Variants in CLMN observed in about 807,000 individuals in gnomAD.
CLMN encodes the protein calmin (calponin-like, transmembrane).
CLMN carries 57 observed loss-of-function variants against 92.7 expected under a neutral mutation model. The ratio of observed to expected loss-of-function variants is 0.61; its 90% confidence interval spans 0.50 to 0.77. The LOEUF is 0.77. Ranked by LOEUF, CLMN falls within the 30% of genes least tolerant of loss-of-function variation. CLMN has a pLI of 0.00. For missense variants in CLMN, 1,158 were observed against 1,237.5 expected (o/e 0.94, Z 0.96); for synonymous variants, 466 against 470.6 (o/e 0.99, Z 0.13).
rs34939570 is a variant in CLMN at position 95,311,709 on chromosome 14, G to A, written c.82+8002C>T. ...ATGCCCCGACCCAACCCTGGCTTCC[G>A]TCCTGCTGAGGAGCTTGCTGGGGCT... On this transcript the variant is annotated intron_variant, in intron 1 of 12. Coordinates refer to ENST00000298912, the MANE Select transcript of CLMN (RefSeq NM_024734.4). 8.7e-3 allele frequency among the ~76,000 whole-genome samples: 1,327 copies of A among 152,182 alleles called. 8 individuals carry two copies. The highest frequency in any genetic ancestry group is 0.014 in the Non-Finnish European group (959 of 67,982).
chr14:95,216,089 G>T (rs957869267), intron 4 of CLMN, among the ~76,000 whole-genome samples: 11 of 152,126 alleles, frequency 7.2e-5, no homozygotes, highest in Non-Finnish European at 1.0e-4. Flanking sequence ...TTTATAAAAG[G>T]AAAGGGGATT....
rs577090930 is a variant in CLMN at position 95,214,542 on chromosome 14, G to T, written c.417+1099C>A. 2.5e-4 allele frequency among the ~76,000 whole-genome samples: 38 copies of T among 151,854 alleles called. 1 individual carries two copies. In the South Asian group the frequency reaches 7.7e-3, roughly 31 times the overall value. On this transcript the variant is annotated intron_variant, in intron 5 of 12. Transcript: ENST00000298912. The stretch of plus-strand genomic sequence containing the variant: ...TTTTGTTTGTTTTTTGTAGAGATGG[G>T]GTCTTGCTCTGTTTCCAGGGCTGAT...
chr14:95,287,292 T>C (rs1025561910), intron 1 of CLMN, among the ~76,000 whole-genome samples: 1 of 152,230 alleles, frequency 6.6e-6, no homozygotes, highest in East Asian at 1.9e-4. Context: ...TCCCCGTCAC[T>C]TTCTAGCCCA....
chr14:95,210,879 C>A lies in CLMN; in HGVS notation c.609G>T (p.Lys203Asn), dbSNP rs572738339. Residue 203 changes from lysine to asparagine, a missense_variant and splice_region_variant, in exon 7 of 13, where the codon AAG becomes AAT. Lys to Asn is a moderately conservative substitution (Grantham distance 94). Transcript: ENST00000298912. ...LLAWVQRKTRKYGVAVQDFAG... is the reference protein window; with the variant it reads ...LLAWVQRKTRNYGVAVQDFAG... The stretch of plus-strand genomic sequence containing the variant: ...CAAAGTCCTGCACCGCCACGCCATA[C>A]CTGAAGGAAAAACAGCAGCGGCGGC... 7.3e-6 allele frequency: 11 copies of A among 1,499,752 alleles called. No individual in the cohort carries two copies. The highest frequency in any genetic ancestry group is 1.8e-4 in the Middle Eastern group (1 of 5,552). The allele number at this position is 1,499,752 out of a possible 1,614,324, so 92.9% of individuals were successfully genotyped here.
intron 4 of CLMN, among the ~76,000 whole-genome samples, chr14:95,217,105 T>C (rs1003186640): frequency 2.6e-5 from 4 of 152,188 alleles, no homozygotes; most frequent in African/African-American, 9.7e-5. Context: ...GCCACACATT[T>C]TTCTTCTTTC....
At chr14:95,308,184 C>T (rs1901367665) in intron 1 of CLMN, among the ~76,000 whole-genome samples, 1 of 152,208 alleles carries the variant, frequency 6.6e-6, no homozygotes, top group Admixed American at 6.5e-5. Flanking sequence ...AATCTTCAGT[C>T]AAGAAGTCAG....
At chr14:95,280,507 C>CT (rs1433744629) in intron 1 of CLMN, among the ~76,000 whole-genome samples, 1 of 152,132 alleles carries the variant, frequency 6.6e-6, no homozygotes, top group Non-Finnish European at 1.5e-5. Context: ...TGTTTAAAAT[C>CT]TTTGAGTTAT....
rs778063438 is a variant in CLMN, at chr14:95,210,773, G to A, written c.715C>T (p.Leu239=). 3 of 1,605,822 alleles carry A rather than the reference G, an allele frequency of 1.9e-6. No homozygotes were observed. In the Admixed American group the frequency reaches 5.1e-5, roughly 27 times the overall value. ...DPSLVDMKQA[L]ENSTRENLEK... ...AGATTTTCTCGTGTGGAATTTTCCA[G>A]GGCCTGTTTCATGTCCACCAGGCTG... Residue 239 remains leucine (L), a synonymous_variant, in exon 7 of 13, where the codon CTG becomes TTG. Coordinates refer to ENST00000298912, the MANE Select transcript of CLMN (RefSeq NM_024734.4).
At chr14:95,231,684 T>TG (rs1393767212) in intron 1 of CLMN, among the ~76,000 whole-genome samples, 3 of 152,184 alleles carry the variant, frequency 2.0e-5, no homozygotes, top group Non-Finnish European at 4.4e-5. Flanking sequence ...TCCAGTGACT[T>TG]GCTCAGCTGA....
intron 1 of CLMN, among the ~76,000 whole-genome samples, chr14:95,252,339 G>T (rs1898823141): frequency 6.6e-6 from 1 of 152,180 alleles, no homozygotes; most frequent in Non-Finnish European, 1.5e-5. Context: ...CCACAGCATT[G>T]CAGGGTTGCC....
chr14:95,311,784 C>G (rs1901553463), intron 1 of CLMN, among the ~76,000 whole-genome samples: 2 of 152,128 alleles, frequency 1.3e-5, no homozygotes, highest in Admixed American at 6.5e-5. Flanking sequence ...CCTGTGGGTT[C>G]ATGGGACAGA....
intron 1 of CLMN, among the ~76,000 whole-genome samples, chr14:95,316,496 C>A (rs1193399614): frequency 1.3e-5 from 2 of 152,242 alleles, no homozygotes; most frequent in Non-Finnish European, 2.9e-5. Context: ...GAGGGGCCAT[C>A]ACTCTGCCCA....
intron 1 of CLMN, among the ~76,000 whole-genome samples, chr14:95,292,425 G>A (rs1420996174): frequency 2.8e-4 from 14 of 49,648 alleles, no homozygotes; most frequent in South Asian, 1.1e-3. Context: ...TGCCCCCCAA[G>A]GGTCCCCCAC....
chr14:95,208,219 G>A lies in CLMN; in HGVS notation c.885+1176C>T, dbSNP rs183650086. On this transcript the variant is annotated intron_variant, in intron 8 of 12. Transcript: ENST00000298912. ...TAACTGTTTCCGTTACTAGAACAAC[G>A]CTCCACAAGGCCAGGGACCTCAGCC... 2.7e-3 allele frequency among the ~76,000 whole-genome samples: 404 copies of A among 152,180 alleles called. 3 individuals are homozygous for A. The highest frequency in any genetic ancestry group is 9.1e-3 in the African/African-American group (379 of 41,516).
rs915046714 is a variant in CLMN, at chr14:95,222,266, G to A, written c.241-492C>T. On this transcript the variant is annotated intron_variant, in intron 3 of 12. Coordinates refer to ENST00000298912, the MANE Select transcript of CLMN (RefSeq NM_024734.4). ...TGGCGGCAGATGTTTCTGTTTTCTAGCCAAGAGTTTTGTGGACAGTTATCC... is the reference window on the plus strand; with the variant it reads ...TGGCGGCAGATGTTTCTGTTTTCTAACCAAGAGTTTTGTGGACAGTTATCC... The A allele has an allele frequency of 2.2e-5, 5 of 225,954 alleles. No homozygotes were observed. In the East Asian group the frequency reaches 6.4e-4, roughly 29 times the overall value. 14.0% of individuals were successfully genotyped at this position (225,954 alleles called of 1,614,324 possible).
In CLMN at chr14:95,256,944, G is replaced by A. The variant is rs1278917890; in HGVS notation, c.83-26811C>T. On this transcript the variant is annotated intron_variant, in intron 1 of 12. Transcript: ENST00000298912. This position sits in a 1 kb window ranked among gnomAD's most constrained non-coding sequence, Gnocchi z 4.9. The stretch of plus-strand genomic sequence containing the variant: ...CATGTTGGGAACAGCAAGGGCAAAG[G>A]CTGGGTGGCATCTAATGATGAATGA... 6.6e-6 allele frequency among the ~76,000 whole-genome samples: 1 copy of A among 152,208 alleles called. No homozygotes were observed. The highest frequency in any genetic ancestry group is 1.5e-5 in the Non-Finnish European group (1 of 68,034).
At chr14:95,276,175 A>G (rs189323490) in intron 1 of CLMN, among the ~76,000 whole-genome samples, 1 of 152,276 alleles carries the variant, frequency 6.6e-6, no homozygotes, top group Non-Finnish European at 1.5e-5. Context: ...AACTTTGGGT[A>G]AGTGTTTGGG....
chr14:95,209,461 T>C lies in CLMN; in HGVS notation c.819A>G (p.Thr273=). 1 of 1,614,140 alleles carries C rather than the reference T, an allele frequency of 6.2e-7. No individual in the cohort carries two copies. Among genetic ancestry groups the C allele is most frequent in the Non-Finnish European group, 8.5e-7 (1 of 1,179,984 alleles). The change falls in exon 8 of 13, where the codon ACA becomes ACG. Residue 273 remains threonine, a synonymous_variant. Transcript: ENST00000298912. ...LLEPEDIMVD[T]PDEQSIMTYV... is the part of the protein sequence containing the mutation. ...AAGTCATGATAGACTGCTCGTCTGGTGTGTCAACCATGATGTCTGTCGAGA... is the reference window on the plus strand; with the variant it reads ...AAGTCATGATAGACTGCTCGTCTGGCGTGTCAACCATGATGTCTGTCGAGA...
chr14:95,279,443 T>C lies in CLMN; in HGVS notation c.82+40268A>G, dbSNP rs140274306. ...CTATGCTGGAAAGAGTTAAACCTTA[T>C]CTGCACTTCTGTCTGGTGTCCTAGG... On this transcript the variant is annotated intron_variant, in intron 1 of 12. Transcript: ENST00000298912. Among the ~76,000 whole-genome samples, 6 of 152,326 alleles carry C rather than the reference T, an allele frequency of 3.9e-5. No homozygotes were observed. The East Asian group carries it at 1.2e-3, about 29-fold the overall frequency.
Sources: gnomAD v4.1 joint callset for allele counts (sites outside exome capture counted in the v4.1 genomes callset) on GRCh38, gnomAD v4.1.1 for gene constraint, Gnocchi (gnomAD v3.1) non-coding constraint, MANE v1.5 for transcripts, NCBI Gene and HGNC (gene_info 2026-07-23, HGNC 2026-07-21) for gene names.